The following SLC39A11 variants were observed in gnomAD, a reference collection of about 807,000 sequenced individuals.
SLC39A11 encodes the protein zinc transporter ZIP11.
A neutral mutation model predicts 36.1 loss-of-function variants in SLC39A11; 33 were observed. The ratio of observed to expected loss-of-function variants is 0.91; its 90% confidence interval spans 0.69 to 1.22. The LOEUF (loss-of-function observed/expected upper bound fraction) is 1.22, where lower values mean the gene tolerates loss of function less well. Ranked by LOEUF, SLC39A11 falls within the 50% of genes most tolerant of loss-of-function variation. The pLI, the probability that SLC39A11 is intolerant of heterozygous loss-of-function variation, is 0.00. For synonymous variants in SLC39A11, 166 were observed against 170.3 expected, an observed-to-expected ratio of 0.97 and a Z score of 0.20; for missense variants, 432 against 430.3, an observed-to-expected ratio of 1.00 and a Z score of -0.03.
At chr17:72,693,347 C>T (rs2072122369) in intron 7 of SLC39A11, among the ~76,000 whole-genome samples, 1 of 152,144 alleles carries the variant, frequency 6.6e-6, no homozygotes, top group Admixed American at 6.5e-5. Context: ...AACTTCCTTT[C>T]CTCTCTCCTC....
intron 4 of SLC39A11, among the ~76,000 whole-genome samples, chr17:72,995,057 A>G (rs137993866): frequency 1.5e-4 from 23 of 152,246 alleles, no homozygotes; most frequent in Non-Finnish European, 3.1e-4. Context: ...AGAGAGTTAG[A>G]TTATATATGA....
intron 5 of SLC39A11, among the ~76,000 whole-genome samples, chr17:72,868,618 CAAAAAAAAAAAAAAAAAAAA>C (rs71354894): frequency 1.6e-4 from 9 of 56,482 alleles, no homozygotes; most frequent in East Asian, 5.9e-4. Context: ...CCTGTCTCTA[CAAAAAAAAAAAAAAAAAAAA>C]AAAAAAAAAA....
chr17:72,960,318 T>C (rs2086525968), intron 4 of SLC39A11, among the ~76,000 whole-genome samples: 1 of 152,196 alleles, frequency 6.6e-6, no homozygotes, highest in South Asian at 2.1e-4. Context: ...GATAGATAAA[T>C]AGATAAAAAT....
At chr17:72,944,606 A>G (rs917224322) in intron 5 of SLC39A11, among the ~76,000 whole-genome samples, 2 of 152,218 alleles carry the variant, frequency 1.3e-5, no homozygotes, top group African/African-American at 4.8e-5. Context: ...TTTGGTACTC[A>G]TGCATGGAGC....
At chr17:72,889,819 A>G (rs1241500953) in intron 5 of SLC39A11, among the ~76,000 whole-genome samples, 4 of 152,156 alleles carry the variant, frequency 2.6e-5, no homozygotes, top group African/African-American at 9.7e-5. Context: ...TATTCATCCT[A>G]TAGGAGTATT....
chr17:72,806,788 G>A (rs1346213396), intron 6 of SLC39A11, among the ~76,000 whole-genome samples: 1 of 152,088 alleles, frequency 6.6e-6, no homozygotes, highest in Non-Finnish European at 1.5e-5. Flanking sequence ...GTGCCATGTT[G>A]GCCAGGCTGG....
intron 6 of SLC39A11, among the ~76,000 whole-genome samples, chr17:72,747,397 C>T (rs1221543183): frequency 6.6e-6 from 1 of 152,162 alleles, no homozygotes; most frequent in East Asian, 1.9e-4. Flanking sequence ...GGTGATCTGC[C>T]CACCTCGGCT....
intron 7 of SLC39A11, among the ~76,000 whole-genome samples, chr17:72,724,384 C>G (rs1040063437): frequency 3.9e-5 from 6 of 151,958 alleles, no homozygotes; most frequent in Non-Finnish European, 8.8e-5. Context: ...TCCAGGTGGT[C>G]CAAGAATGGG....
At chr17:73,079,489 C>G (rs2060444223) in intron 3 of SLC39A11, among the ~76,000 whole-genome samples, 1 of 152,140 alleles carries the variant, frequency 6.6e-6, no homozygotes, top group African/African-American at 2.4e-5. Context: ...ATAGAAGAGA[C>G]ATACCTTAAG....
intron 6 of SLC39A11, among the ~76,000 whole-genome samples, chr17:72,749,511 A>T (rs755767305): frequency 1.2e-4 from 18 of 152,218 alleles, no homozygotes; most frequent in Admixed American, 2.0e-4. Flanking sequence ...GCAGCTCTGT[A>T]AATATGAGGA....
At chr17:72,805,748 TTTTC>T (rs1232930043) in intron 6 of SLC39A11, among the ~76,000 whole-genome samples, 1 of 150,596 alleles carries the variant, frequency 6.6e-6, no homozygotes, top group African/African-American at 2.5e-5. Context: ...TTCTTTTTCT[TTTTC>T]TTTTTTTTTT....
chr17:73,055,134 C>A (rs1279369731), intron 3 of SLC39A11, among the ~76,000 whole-genome samples: 1 of 152,148 alleles, frequency 6.6e-6, no homozygotes. Context: ...GTCCCTGTCC[C>A]AAGCCAGTTG....
At chr17:72,929,204 CT>C (rs1339130813) in intron 5 of SLC39A11, among the ~76,000 whole-genome samples, 2 of 152,180 alleles carry the variant, frequency 1.3e-5, no homozygotes, top group Admixed American at 1.3e-4. Flanking sequence ...TATCTGCTCC[CT>C]TGTAGACAGC....
At chr17:72,789,734 A>G (rs1192621175) in intron 6 of SLC39A11, among the ~76,000 whole-genome samples, 1 of 152,248 alleles carries the variant, frequency 6.6e-6, no homozygotes, top group Non-Finnish European at 1.5e-5. Flanking sequence ...TTTATTATAT[A>G]GAACCTCGTT....
At chr17:72,705,290 C>T (rs2072841647) in intron 7 of SLC39A11, among the ~76,000 whole-genome samples, 1 of 152,138 alleles carries the variant, frequency 6.6e-6, no homozygotes, top group South Asian at 2.1e-4. Flanking sequence ...GGTCCTGCTC[C>T]CTCTCCCCCA....
intron 7 of SLC39A11, among the ~76,000 whole-genome samples, chr17:72,730,583 T>C (rs2074174985): frequency 6.6e-6 from 1 of 152,246 alleles, no homozygotes; most frequent in Admixed American, 6.5e-5. Context: ...CCAGTGTTTA[T>C]TCGTTCATGC....
At chr17:72,661,012 G>A (rs890382814) in intron 7 of SLC39A11, among the ~76,000 whole-genome samples, 1 of 152,224 alleles carries the variant, frequency 6.6e-6, no homozygotes, top group Non-Finnish European at 1.5e-5. Context: ...TGCTCAGACT[G>A]AGTGTGGAGA....
chr17:72,768,915 C>T (rs947760461), intron 6 of SLC39A11, among the ~76,000 whole-genome samples: 1 of 152,046 alleles, frequency 6.6e-6, no homozygotes, highest in African/African-American at 2.4e-5. Context: ...CGCCCGCCAC[C>T]ACGCTCGGCT....
intron 5 of SLC39A11, among the ~76,000 whole-genome samples, chr17:72,922,205 C>T (rs1413198334): frequency 6.6e-6 from 1 of 152,174 alleles, no homozygotes; most frequent in Non-Finnish European, 1.5e-5. Flanking sequence ...CACAGAAGCA[C>T]CCAGCTTGTG....
Sources: gnomAD v4.1 joint callset for allele counts (sites outside exome capture counted in the v4.1 genomes callset) on GRCh38, gnomAD v4.1.1 for gene constraint, MANE v1.5 for transcripts, NCBI Gene and HGNC (gene_info 2026-07-23, HGNC 2026-07-21) for gene names.